Variants in ITGBL1 observed in about 807,000 individuals in gnomAD.
ITGBL1 encodes the protein integrin beta-like protein 1.
In ITGBL1, 51 loss-of-function variants were observed where a neutral mutation model predicts 68.5. The ratio of observed to expected loss-of-function variants is 0.74; its 90% confidence interval spans 0.59 to 0.94. The LOEUF is 0.94. Ranked by LOEUF, ITGBL1 falls within the 40% of genes least tolerant of loss-of-function variation. ITGBL1 has a pLI of 0.00. For missense variants in ITGBL1, 649 were observed against 647.4 expected (o/e 1.00, Z -0.03); for synonymous variants, 209 against 227.3 (o/e 0.92, Z 0.72).
intron 7 of ITGBL1, among the ~76,000 whole-genome samples, chr13:101,634,212 C>G (rs1000318392): frequency 1.3e-5 from 2 of 152,074 alleles, no homozygotes; most frequent in Non-Finnish European, 2.9e-5. Context: ...TTCTACTCTG[C>G]AAAACTTGGA....
intron 7 of ITGBL1, among the ~76,000 whole-genome samples, chr13:101,605,575 T>C (rs1231093770): frequency 2.6e-5 from 4 of 151,792 alleles, no homozygotes; most frequent in Admixed American, 6.6e-5. Flanking sequence ...TATGCGTATA[T>C]ATACACGTAT....
chr13:101,715,503 C>A, intron 10 of ITGBL1, 60 bp from the exon 11 acceptor site: 1 of 1,095,888 alleles, frequency 9.1e-7, no homozygotes, highest in South Asian at 1.3e-5. Context: ...TTTATAATAG[C>A]ATGTTTAAAT....
At position 101,510,995 on chromosome 13, in the gene ITGBL1, T is replaced by C. The variant is rs181397719; in HGVS notation, c.317-56704T>C. Among the ~76,000 whole-genome samples, 10 of 152,232 alleles carry C rather than the reference T, an allele frequency of 6.6e-5. No homozygotes were observed. In the East Asian group the frequency reaches 1.4e-3, roughly 21 times the overall value. On this transcript the variant is annotated intron_variant, in intron 2 of 10. Coordinates refer to ENST00000376180, the MANE Select transcript of ITGBL1 (RefSeq NM_004791.3). Reference sequence around the variant, plus strand: ...CTTTTGCTGTGCAGAAGAAGCTCTTTAGTTTAATTAGATCTCACTTGTCAA... The same window carrying C: ...CTTTTGCTGTGCAGAAGAAGCTCTTCAGTTTAATTAGATCTCACTTGTCAA...
At chr13:101,605,986 A>ATATATATGCATATATATGTG (rs2030817944) in intron 7 of ITGBL1, among the ~76,000 whole-genome samples, 1 of 146,818 alleles carries the variant, frequency 6.8e-6, no homozygotes, top group African/African-American at 2.5e-5. Flanking sequence ...ATATGTGTAT[A>ATATATATGCATATATATGTG]TATATGTGTA....
At chr13:101,560,827 G>A (rs1031759262) in intron 2 of ITGBL1, among the ~76,000 whole-genome samples, 3 of 152,136 alleles carry the variant, frequency 2.0e-5, no homozygotes, top group Non-Finnish European at 4.4e-5. Context: ...GGGCTGTGTA[G>A]CATCACAGGT....
At chr13:101,633,332 G>A (rs1486749491) in intron 7 of ITGBL1, among the ~76,000 whole-genome samples, 3 of 152,164 alleles carry the variant, frequency 2.0e-5, no homozygotes, top group Non-Finnish European at 4.4e-5. Context: ...ACTAGATTAA[G>A]AAGGGTATGC....
At chr13:101,628,176 G>T (rs962949963) in intron 7 of ITGBL1, among the ~76,000 whole-genome samples, 2 of 152,092 alleles carry the variant, frequency 1.3e-5, no homozygotes, top group African/African-American at 4.8e-5. Flanking sequence ...GTTTTAATTT[G>T]CATTTGCCTG....
At chr13:101,716,457 G>A (rs1449808709), downstream of ITGBL1, 1 of 152,094 alleles carries the variant, frequency 6.6e-6, no homozygotes, top group Non-Finnish European at 1.5e-5. Context: ...CTCTGTGTCA[G>A]TATATATATC....
chr13:101,588,296 A>G (rs1445118386), intron 6 of ITGBL1, among the ~76,000 whole-genome samples: 1 of 22,408 alleles, frequency 4.5e-5, no homozygotes, highest in Non-Finnish European at 1.3e-4. Context: ...GTATTCTTCC[A>G]TTGTGTGTGT....
chr13:101,627,928 T>C (rs2031841701), intron 7 of ITGBL1, among the ~76,000 whole-genome samples: 1 of 152,224 alleles, frequency 6.6e-6, no homozygotes, highest in South Asian at 2.1e-4. Flanking sequence ...CAGGTTTTCA[T>C]GTGGACATTA....
intron 2 of ITGBL1, among the ~76,000 whole-genome samples, chr13:101,563,751 C>T (rs1438429884): frequency 6.6e-6 from 1 of 151,856 alleles, no homozygotes; most frequent in African/African-American, 2.4e-5. Context: ...TATACTACCT[C>T]TTCCAAAAAC....
chr13:101,560,421 C>T (rs1033516038), intron 2 of ITGBL1, among the ~76,000 whole-genome samples: 4 of 152,264 alleles, frequency 2.6e-5, no homozygotes, highest in South Asian at 2.1e-4. Context: ...AGCAGTGGTA[C>T]ACCTAGCTTA....
chr13:101,598,161 C>T lies in ITGBL1; in HGVS notation c.877C>T (p.Gln293Ter). 1 of 1,612,538 alleles carries T rather than the reference C, an allele frequency of 6.2e-7. No individual in the cohort carries two copies. The highest frequency in any genetic ancestry group is 8.5e-7 in the Non-Finnish European group (1 of 1,179,398). ...YSDDFCSGHGQCNCGRCDCKA... is the reference protein window; with the variant it reads ...YSDDFCSGHG ...CCACTCTCACTGTGAAGGTCATGGA[C>T]AGTGTAATTGCGGAAGATGTGACTG... The change falls in exon 7 of 11, where the codon CAG (glutamine) becomes TAG (stop). Residue 293 changes from glutamine (Q) to a stop codon, truncating the protein, a stop_gained. Coordinates refer to ENST00000376180, the MANE Select transcript of ITGBL1 (RefSeq NM_004791.3). LOFTEE classifies it high-confidence loss of function.
chr13:101,457,047 T>G (rs2139613706), intron 2 of ITGBL1, among the ~76,000 whole-genome samples: 2 of 152,322 alleles, frequency 1.3e-5, no homozygotes, highest in Middle Eastern at 3.4e-3. Flanking sequence ...AAAATGGGAA[T>G]AACAGTACCT....
At chr13:101,709,581 A>G (rs1048819419) in intron 9 of ITGBL1, among the ~76,000 whole-genome samples, 68 of 152,238 alleles carry the variant, frequency 4.5e-4, no homozygotes, top group African/African-American at 1.6e-3. Flanking sequence ...AAGTTTAGAT[A>G]CTTTTTTACT....
intron 7 of ITGBL1, among the ~76,000 whole-genome samples, chr13:101,611,681 C>G (rs554984934): frequency 6.6e-6 from 1 of 151,830 alleles, no homozygotes; most frequent in Non-Finnish European, 1.5e-5. Flanking sequence ...AAGTCATACA[C>G]TGAACTGGCA....
At chr13:101,455,568 G>A (rs1248074284) in intron 2 of ITGBL1, among the ~76,000 whole-genome samples, 1 of 152,174 alleles carries the variant, frequency 6.6e-6, no homozygotes, top group African/African-American at 2.4e-5. Flanking sequence ...TTGGGAGGCC[G>A]AGGCAGAATT....
chr13:101,715,911 A>G lies in ITGBL1; in HGVS notation c.*257A>G, dbSNP rs1236646550. 5.2e-6 allele frequency: 2 copies of G among 385,506 alleles called. No homozygotes were observed. Among genetic ancestry groups the G allele is most frequent in the East Asian group, 1.0e-4 (2 of 19,330 alleles). 23.9% of individuals were successfully genotyped at this position (385,506 alleles called of 1,614,324 possible). ...CTAACGAGAGCAATTTTTCCACCCAAAAGTCATTTGGCAACATCTACAGAC... is the reference window on the plus strand; with the variant it reads ...CTAACGAGAGCAATTTTTCCACCCAGAAGTCATTTGGCAACATCTACAGAC... On this transcript the variant is annotated 3_prime_UTR_variant, in exon 11 of 11. Coordinates refer to ENST00000376180, the MANE Select transcript of ITGBL1 (RefSeq NM_004791.3).
chr13:101,605,692 G>A (rs531893583), intron 7 of ITGBL1, among the ~76,000 whole-genome samples: 6 of 151,594 alleles, frequency 4.0e-5, no homozygotes, highest in East Asian at 1.9e-4. Context: ...GCGTATACAC[G>A]TATGTAGACT....
Sources: allele counts gnomAD v4.1 joint callset (sites outside exome capture counted in the v4.1 genomes callset), GRCh38; gene constraint gnomAD v4.1.1; transcripts MANE v1.5; gene names NCBI Gene and HGNC (gene_info 2026-07-23, HGNC 2026-07-21).